The following ZNF18 variants were observed in gnomAD, a reference collection of about 807,000 sequenced individuals.
ZNF18 encodes the protein zinc finger protein 18.
In ZNF18, 42 loss-of-function variants were observed where a neutral mutation model predicts 58.1. That is an observed-to-expected ratio of 0.72 (90% CI 0.56 to 0.93). The LOEUF (loss-of-function observed/expected upper bound fraction) is 0.93, where lower values mean the gene tolerates loss of function less well. ZNF18 is among the 40% of genes least tolerant of loss of function. The pLI is 0.00. For missense variants in ZNF18, 540 were observed against 644.2 expected (o/e 0.84, Z 1.75); for synonymous variants, 231 against 239.8 (o/e 0.96, Z 0.34).
chr17:12,017,259 G>C, the ZNF18 span, among the ~76,000 whole-genome samples: 1 of 151,988 alleles, frequency 6.6e-6, no homozygotes, highest in East Asian at 1.9e-4. Flanking sequence ...TTCTTTAATG[G>C]CATGAACTGG....
At chr17:12,014,972 C>T in the ZNF18 span, among the ~76,000 whole-genome samples, 3 of 151,832 alleles carry the variant, frequency 2.0e-5, no homozygotes, top group African/African-American at 2.4e-5. Flanking sequence ...GGCGTGAACC[C>T]GGAAGGCAGA....
rs796336896 is a variant in ZNF18 at position 11,990,477 on chromosome 17, G to A, written c.651C>T (p.Leu217=). 1 of 1,612,968 alleles carries A rather than the reference G, an allele frequency of 6.2e-7. No homozygotes were observed. Among genetic ancestry groups the A allele is most frequent in the African/African-American group, 1.3e-5 (1 of 75,036 alleles). The change falls in exon 4 of 7, where the codon CTC becomes CTT. Residue 217 remains leucine (L), a synonymous_variant. Transcript: ENST00000580306. ...GTCAGCTCACCTGAGGTGCTGCTGGGAGCAGTGAGGCTCCGAGGTCCTGGT... is the reference window on the plus strand; with the variant it reads ...GTCAGCTCACCTGAGGTGCTGCTGGAAGCAGTGAGGCTCCGAGGTCCTGGT... ...IRDQDLGASL[L]PAAPQEQWRQ...
Position 11,983,402 on chromosome 17 carries a change from T to C in ZNF18, c.757A>G (p.Ile253Val), listed in dbSNP as rs1187111223. ...TYGKMVSGAG[I>V]SHPKSDLTNS... ...GTCAGGTCAGATTTGGGATGGGAAA[T>C]GCCTGCTATAGAGAGAAAGATGTAT... The change falls in exon 6 of 7, where the codon ATT (isoleucine) becomes GTT (valine). Residue 253 changes from isoleucine (I) to valine (V), a missense_variant. Physicochemically the swap from Ile to Val is conservative, Grantham distance 29. Transcript: ENST00000580306. The C allele has an allele frequency of 5.0e-6, 8 of 1,612,996 alleles. No homozygotes were observed. The highest frequency in any genetic ancestry group is 1.3e-5 in the African/African-American group (1 of 74,886).
At chr17:12,014,401 C>T in the ZNF18 span, among the ~76,000 whole-genome samples, 1 of 152,132 alleles carries the variant, frequency 6.6e-6, no homozygotes, top group Non-Finnish European at 1.5e-5. Context: ...CATCAATAGA[C>T]AAATGGATAA....
At chr17:11,983,263 A>C in intron 6 of ZNF18, 34 bp downstream of exon 6, 1 of 1,515,140 alleles carries the variant, frequency 6.6e-7, no homozygotes, top group African/African-American at 1.4e-5. Context: ...ACAGGCAGTC[A>C]GAAATGATTC....
At chr17:12,015,297 A>G in the ZNF18 span, among the ~76,000 whole-genome samples, 1 of 152,180 alleles carries the variant, frequency 6.6e-6, no homozygotes, top group African/African-American at 2.4e-5. Flanking sequence ...ACCACATTTG[A>G]TACATGCCTT....
At position 11,991,217 on chromosome 17, in the gene ZNF18, T is replaced by C. The variant is rs1968105282; in HGVS notation, c.388-54A>G. On this transcript the variant is annotated intron_variant, in intron 2 of 6. Transcript: ENST00000580306. ...CTGAAGAATCCAGAGTAAGGATCTCTAAAAGACACAAAGCTTACTCTCTAC... is the reference window on the plus strand; with the variant it reads ...CTGAAGAATCCAGAGTAAGGATCTCCAAAAGACACAAAGCTTACTCTCTAC... 2.0e-6 allele frequency: 3 copies of C among 1,479,712 alleles called. No homozygotes were observed. The East Asian group carries it at 6.8e-5, about 34-fold the overall frequency. 91.7% of individuals were successfully genotyped at this position (1,479,712 alleles called of 1,614,324 possible).
chr17:11,984,865 G>A (rs886662444), intron 4 of ZNF18, among the ~76,000 whole-genome samples: 6 of 152,058 alleles, frequency 3.9e-5, no homozygotes, highest in African/African-American at 7.2e-5. Context: ...TGTACTAGAC[G>A]TCTTTGAGGA....
the ZNF18 span, among the ~76,000 whole-genome samples, chr17:12,018,529 TA>T: frequency 6.6e-6 from 1 of 152,170 alleles, no homozygotes. Flanking sequence ...CATTTTACTT[TA>T]AAGACCCTAT....
chr17:12,017,474 T>A, the ZNF18 span, among the ~76,000 whole-genome samples: 1 of 152,286 alleles, frequency 6.6e-6, no homozygotes, highest in African/African-American at 2.4e-5. Context: ...GACTGTTCCA[T>A]CCAAATAGAG....
At chr17:12,007,012 A>AG in the ZNF18 span, among the ~76,000 whole-genome samples, 4 of 152,254 alleles carry the variant, frequency 2.6e-5, no homozygotes, top group Admixed American at 1.3e-4. Flanking sequence ...TTTGTGTGTT[A>AG]GGCCAATGTT....
At chr17:12,005,633 AT>A in the ZNF18 span, among the ~76,000 whole-genome samples, 1 of 152,222 alleles carries the variant, frequency 6.6e-6, no homozygotes, top group African/African-American at 2.4e-5. Context: ...AGTGTCAAAA[AT>A]AAACTGAATT....
At position 11,978,738 on chromosome 17, in the gene ZNF18, C is replaced by A. The variant is rs546049246; in HGVS notation, c.869G>T (p.Arg290Ile). Residue 290 changes from arginine (R) to isoleucine (I), a missense_variant, in exon 7 of 7, where the codon AGA becomes ATA. By Grantham distance (97) the Arg-to-Ile change is moderately conservative. Transcript: ENST00000580306. ...TAGGTTCTCCTTGTCATTCTCTTGT[C>A]TATCTCCTAAAAGAAGAAAGAAGAT... ...KIPRPTCIGD[R>I]QENDKENLNL... is the part of the protein sequence containing the mutation. The A allele has an allele frequency of 1.3e-6, 2 of 1,584,430 alleles. No individual in the cohort carries two copies. Among genetic ancestry groups the A allele is most frequent in the Non-Finnish European group, 8.5e-7 (1 of 1,172,378 alleles).
intron 1 of ZNF18, 38 bp downstream of exon 1, chr17:11,997,393 G>A (rs1968540244): frequency 1.3e-5 from 2 of 152,352 alleles, no homozygotes; most frequent in East Asian, 1.9e-4. Flanking sequence ...CTGACCCCGA[G>A]CGGCCGGAGG....
chr17:11,989,976 G>C (rs114044901), intron 4 of ZNF18, among the ~76,000 whole-genome samples: 1,552 of 152,124 alleles, frequency 0.01, 29 homozygotes, highest in African/African-American at 0.036. Flanking sequence ...GAAGAGCTCT[G>C]ATACATGTAT....
At chr17:11,997,499 G>A (rs1011713711), upstream of ZNF18, 3 of 152,252 alleles carry the variant, frequency 2.0e-5, no homozygotes, top group East Asian at 3.9e-4. Flanking sequence ...TCAGGCGGCA[G>A]GCGAACGACG....
upstream of ZNF18, chr17:11,997,599 T>G (rs1405605386): frequency 6.6e-6 from 1 of 152,396 alleles, no homozygotes; most frequent in Admixed American, 6.5e-5. Flanking sequence ...TCTCTGGCGT[T>G]GCAGCCCAGG....
chr17:12,021,101 C>A, the ZNF18 span: 1 of 644,366 alleles, frequency 1.6e-6, no homozygotes. Flanking sequence ...GCTGAGGAAG[C>A]CACGGCAGCC....
At chr17:12,009,212 C>T in the ZNF18 span, 7 of 152,046 alleles carry the variant, frequency 4.6e-5, no homozygotes, top group African/African-American at 1.2e-4. Context: ...CAGATATATT[C>T]GAGGAGACAT....
Sources: gnomAD v4.1 joint callset for allele counts (sites outside exome capture counted in the v4.1 genomes callset) on GRCh38, gnomAD v4.1.1 for gene constraint, MANE v1.5 for transcripts, NCBI Gene and HGNC (gene_info 2026-07-23, HGNC 2026-07-21) for gene names.